Variants in RAB1A observed in about 807,000 individuals in gnomAD.
RAB1A encodes the protein ras-related protein Rab-1A.
Under a neutral mutation model 26.0 loss-of-function variants are expected in RAB1A, and 2 were observed. That is an observed-to-expected ratio of 0.08 (90% CI 0.03 to 0.24). The LOEUF is 0.24. Among genes scored for constraint, RAB1A ranks in the 10% least tolerant of loss-of-function variants. The pLI is 1.00. For missense variants in RAB1A, 100 were observed against 247.0 expected (o/e 0.40, Z 3.99); for synonymous variants, 84 against 84.9 (o/e 0.99, Z 0.06).
intron 1 of RAB1A, among the ~76,000 whole-genome samples, chr2:65,121,933 C>T (rs1416424044): frequency 1.3e-5 from 2 of 151,888 alleles, no homozygotes; most frequent in Admixed American, 6.6e-5. Flanking sequence ...CCAAGGCAGG[C>T]GGATCACCTG....
At chr2:65,110,533 G>A (rs1276712983) in intron 1 of RAB1A, among the ~76,000 whole-genome samples, 5 of 151,890 alleles carry the variant, frequency 3.3e-5, no homozygotes, top group African/African-American at 1.2e-4. Context: ...AAATACTCAT[G>A]AATTCATAGC....
chr2:65,098,150 C>T lies in RAB1A; in HGVS notation c.97-84G>A, dbSNP rs904331338. 4 of 738,370 alleles carry T rather than the reference C, an allele frequency of 5.4e-6. No homozygotes were observed. In the African/African-American group the frequency reaches 5.6e-5, roughly 10 times the overall value. 45.7% of individuals were successfully genotyped at this position (738,370 alleles called of 1,614,324 possible). A position where few individuals can be genotyped will look rare whatever the true frequency, so the allele number is the denominator to read the frequency against. ...AAGTGGAAAAAAAAAAACTGTTGTT[C>T]AAGAGTAAATAAAAAAAAAGTTTAC... On this transcript the variant is annotated intron_variant, in intron 2 of 5. Transcript: ENST00000409784.
Position 65,088,677 on chromosome 2 carries a change from G to A in RAB1A, c.434C>T (p.Ser145Phe), listed in dbSNP as rs767550010. 3.1e-6 allele frequency: 5 copies of A among 1,605,820 alleles called. No homozygotes were observed. The Admixed American group carries it at 8.5e-5, about 27-fold the overall frequency. The change falls in exon 6 of 6, where the codon TCC becomes TTC. Residue 145 changes from serine (S) to phenylalanine (F), a missense_variant. Transcript: ENST00000409784. Reference sequence around the variant, plus strand: ...GGTTTCCAAAAACGGAATTCCAAGGGAATCAGCAAATTCCTAAGAGAATAA... The same window carrying A: ...GGTTTCCAAAAACGGAATTCCAAGGAAATCAGCAAATTCCTAAGAGAATAA... Reference protein sequence around the residue: ...DYTTAKEFADSLGIPFLETSA... With the variant: ...DYTTAKEFADFLGIPFLETSA...
chr2:65,105,642 T>C (rs1018660662), intron 1 of RAB1A, among the ~76,000 whole-genome samples: 2 of 151,740 alleles, frequency 1.3e-5, no homozygotes, highest in East Asian at 1.9e-4. Flanking sequence ...AATGTTCATA[T>C]AACTTCTGAA....
At chr2:65,111,361 C>CAA (rs35527449) in intron 1 of RAB1A, among the ~76,000 whole-genome samples, 24 of 112,240 alleles carry the variant, frequency 2.1e-4, no homozygotes, top group African/African-American at 6.1e-4. Flanking sequence ...GACACCATCT[C>CAA]AAAAAAAAAA....
intron 4 of RAB1A, 150 bp from the exon 5 acceptor site, chr2:65,089,220 T>A: frequency 5.5e-6 from 2 of 364,774 alleles, no homozygotes; most frequent in Non-Finnish European, 8.8e-6. Context: ...AGTGAAGAGA[T>A]TTTTTTTTTT....
intron 1 of RAB1A, among the ~76,000 whole-genome samples, chr2:65,118,431 C>G (rs1669873399): frequency 6.6e-6 from 1 of 152,060 alleles, no homozygotes; most frequent in South Asian, 2.1e-4. Flanking sequence ...AAAAACTCAA[C>G]TCTTAATATA....
At chr2:65,125,050 CAAA>C (rs66712908) in intron 1 of RAB1A, among the ~76,000 whole-genome samples, 6 of 130,226 alleles carry the variant, frequency 4.6e-5, no homozygotes, top group Non-Finnish European at 6.6e-5. Context: ...ACAATGCAAG[CAAA>C]AAAAAAAAAA....
chr2:65,114,559 G>T (rs566501414), intron 1 of RAB1A, among the ~76,000 whole-genome samples: 2 of 152,172 alleles, frequency 1.3e-5, no homozygotes, highest in Non-Finnish European at 2.9e-5. Context: ...ACAGTTTAAG[G>T]GGGGCCGGGC....
chr2:65,128,973 G>A (rs1189476151), intron 1 of RAB1A, among the ~76,000 whole-genome samples: 3 of 152,184 alleles, frequency 2.0e-5, no homozygotes, highest in African/African-American at 7.2e-5. Context: ...AAAAAGAAAT[G>A]CATTAACTTT....
At chr2:65,096,484 AC>A (rs1669289036) in intron 3 of RAB1A, among the ~76,000 whole-genome samples, 1 of 152,192 alleles carries the variant, frequency 6.6e-6, no homozygotes, top group Non-Finnish European at 1.5e-5. Context: ...ACGAATACAC[AC>A]CCAAATCTTA....
intron 1 of RAB1A, among the ~76,000 whole-genome samples, chr2:65,127,292 T>C (rs1670121876): frequency 6.6e-6 from 1 of 152,162 alleles, no homozygotes; most frequent in Admixed American, 6.5e-5. Flanking sequence ...ATCTAATTGC[T>C]GATAAATCCC....
At chr2:65,095,906 C>G (rs552079609) in intron 3 of RAB1A, among the ~76,000 whole-genome samples, 4 of 152,220 alleles carry the variant, frequency 2.6e-5, no homozygotes, top group African/African-American at 9.6e-5. Flanking sequence ...GTAATCCCAG[C>G]ACTTTGGGAA....
chr2:65,111,891 C>A (rs957545428), intron 1 of RAB1A, among the ~76,000 whole-genome samples: 1 of 152,088 alleles, frequency 6.6e-6, no homozygotes, highest in African/African-American at 2.4e-5. Flanking sequence ...TGAGACCAGC[C>A]TGGCCAACAT....
chr2:65,102,702 C>A (rs1249823180), intron 2 of RAB1A, among the ~76,000 whole-genome samples: 1 of 150,646 alleles, frequency 6.6e-6, no homozygotes, highest in African/African-American at 2.4e-5. Flanking sequence ...CTGAGACAAG[C>A]GGATCACGAA....
intron 1 of RAB1A, among the ~76,000 whole-genome samples, chr2:65,116,500 A>G (rs1403238752): frequency 6.6e-6 from 1 of 152,154 alleles, no homozygotes; most frequent in East Asian, 1.9e-4. Context: ...ACCCACTACC[A>G]CCCAATTAGG....
chr2:65,109,435 G>A (rs536870949), intron 1 of RAB1A, among the ~76,000 whole-genome samples: 2 of 152,178 alleles, frequency 1.3e-5, no homozygotes, highest in South Asian at 4.1e-4. Context: ...TGGGCGCGGT[G>A]GCTCACACCT....
chr2:65,117,934 TG>T (rs1669863321), intron 1 of RAB1A, among the ~76,000 whole-genome samples: 1 of 152,238 alleles, frequency 6.6e-6, no homozygotes, highest in African/African-American at 2.4e-5. Flanking sequence ...TTTGTTGTAG[TG>T]GGACATCCAA....
chr2:65,101,086 T>C (rs1052582288), intron 2 of RAB1A, among the ~76,000 whole-genome samples: 5 of 150,268 alleles, frequency 3.3e-5, no homozygotes, highest in African/African-American at 7.4e-5. Flanking sequence ...GTGGGAGTTA[T>C]AGTGAGCTGA....
Sources: allele counts gnomAD v4.1 joint callset (sites outside exome capture counted in the v4.1 genomes callset), GRCh38; gene constraint gnomAD v4.1.1; transcripts MANE v1.5; gene names NCBI Gene and HGNC (gene_info 2026-07-23, HGNC 2026-07-21).